Variants in TRHDE observed in about 807,000 individuals in gnomAD.
TRHDE encodes the protein thyrotropin-releasing hormone-degrading ectoenzyme.
TRHDE carries 72 observed loss-of-function variants against 125.7 expected under a neutral mutation model. That is an observed-to-expected ratio of 0.57 (90% CI 0.47 to 0.70). The LOEUF is 0.70. TRHDE is among the 30% of genes least tolerant of loss of function. The pLI is 0.00. For synonymous variants in TRHDE, 509 were observed against 509.1 expected (o/e 1.00, Z 0.00); for missense variants, 1,110 against 1,327.1 (o/e 0.84, Z 2.54).
intron 2 of TRHDE, among the ~76,000 whole-genome samples, chr12:72,158,980 C>T (rs1017505451): frequency 2.0e-5 from 3 of 152,130 alleles, no homozygotes; most frequent in Non-Finnish European, 2.9e-5. Context: ...GCCTTAAATG[C>T]CATTTTAATA....
chr12:72,655,842 G>T (rs1385618332), intron 17 of TRHDE, among the ~76,000 whole-genome samples: 1 of 151,976 alleles, frequency 6.6e-6, no homozygotes, highest in East Asian at 1.9e-4. Context: ...ATGCCTATTT[G>T]TTTGCTTTTA....
chr12:72,375,344 T>A (rs1166270517), intron 2 of TRHDE, among the ~76,000 whole-genome samples: 5 of 152,220 alleles, frequency 3.3e-5, no homozygotes, highest in Non-Finnish European at 7.3e-5. Context: ...GAAGTTTGAA[T>A]GAGCAAATGA....
intron 3 of TRHDE, among the ~76,000 whole-genome samples, chr12:72,401,040 T>C (rs571244864): frequency 6.6e-6 from 1 of 152,318 alleles, no homozygotes; most frequent in East Asian, 1.9e-4. Flanking sequence ...TTTTTTTCTA[T>C]GCTTAACTCT....
At chr12:72,527,961 A>G (rs921651563) in intron 6 of TRHDE, among the ~76,000 whole-genome samples, 1 of 152,162 alleles carries the variant, frequency 6.6e-6, no homozygotes, top group African/African-American at 2.4e-5. Flanking sequence ...TTTAAAGGCT[A>G]ACACTATGCT....
intron 2 of TRHDE, among the ~76,000 whole-genome samples, chr12:72,291,060 A>G (rs1283632762): frequency 6.6e-6 from 1 of 152,122 alleles, no homozygotes; most frequent in African/African-American, 2.4e-5. Context: ...CCTACAAACA[A>G]TGTATACTTG....
At chr12:72,419,610 T>C (rs1028264941) in intron 3 of TRHDE, among the ~76,000 whole-genome samples, 4 of 152,164 alleles carry the variant, frequency 2.6e-5, no homozygotes. Context: ...ACCAAGGGAA[T>C]GGTGCTAACC....
chr12:72,273,414 G>T lies in TRHDE; in HGVS notation c.771G>T (p.Pro257=), dbSNP rs1244824959. 4.3e-6 allele frequency: 7 copies of T among 1,614,114 alleles called. No individual in the cohort carries two copies. Among genetic ancestry groups the T allele is most frequent in the Non-Finnish European group, 5.9e-6 (7 of 1,180,030 alleles). ...AVPVAGFFLY[P]QTQVLVVVLN... ...CTGTAGCCGGTTTTTTCCTCTACCC[G>T]CAAACCCAGGTCTTAGTGGTGGTGC... is the stretch of plus-strand genomic sequence containing the variant. Residue 257 remains proline (P), a synonymous_variant, in exon 1 of 19, where the codon CCG becomes CCT. Transcript: ENST00000261180. The surrounding 1 kb of genome is among the most constrained non-coding windows in gnomAD (Gnocchi z 5.3).
intron 6 of TRHDE, among the ~76,000 whole-genome samples, chr12:72,507,887 A>T (rs1592497883): frequency 6.6e-6 from 1 of 152,218 alleles, no homozygotes; most frequent in African/African-American, 2.4e-5. Flanking sequence ...GTCTTGGGAC[A>T]TGGCACCCTG....
chr12:72,200,336 A>G (rs1210178115), intron 2 of TRHDE, among the ~76,000 whole-genome samples: 2 of 152,200 alleles, frequency 1.3e-5, no homozygotes, highest in Non-Finnish European at 2.9e-5. Flanking sequence ...GTCTGTAAAT[A>G]TAATGTTCAA....
rs776747813 is a variant in TRHDE at position 72,621,729 on chromosome 12, T to A, written c.2653T>A (p.Trp885Arg). Residue 885 changes from tryptophan to arginine, a missense_variant, in exon 15 of 19, where the codon TGG (tryptophan) becomes AGG (arginine). By Grantham distance (101) the Trp-to-Arg change is moderately radical. Around this residue, in one of 5 missense-constraint regions of TRHDE, gnomAD observed 527 missense variants for 651.8 expected, o/e 0.81. Coordinates refer to ENST00000261180, the MANE Select transcript of TRHDE (RefSeq NM_013381.3). The stretch of plus-strand genomic sequence containing the variant: ...ACAGGCATCAACACTTATTTCAGAT[T>A]GGATTTCCAGCAACAGGAACAGGTA... The part of the protein sequence containing the change: ...HQQASTLISD[W>R]ISSNRNRIPL... 6.2e-7 allele frequency: 1 copy of A among 1,604,222 alleles called. No homozygotes were observed. The highest frequency in any genetic ancestry group is 1.7e-5 in the Admixed American group (1 of 57,668).
In TRHDE at chr12:72,440,270, T is replaced by C. The variant is rs116521895; in HGVS notation, c.1316-29488T>C. Among the ~76,000 whole-genome samples the C allele has an allele frequency of 3.2e-3, 491 of 152,046 alleles. 2 individuals are homozygous for C. The highest frequency in any genetic ancestry group is 0.011 in the African/African-American group (456 of 41,544). ...CTTTGGTATCAGTGCTATGCTCTTG[T>C]ATTCTAATTTTTTGAAATACTTTGA... On this transcript the variant is annotated intron_variant, in intron 3 of 18. Transcript: ENST00000261180.
chr12:72,473,215 A>T (rs772905802), intron 5 of TRHDE, 35 bp downstream of exon 5: 17 of 1,533,198 alleles, frequency 1.1e-5, no homozygotes, highest in Non-Finnish European at 8.1e-6. Context: ...ACTTTTAGTA[A>T]AAGGCCGATC....
intron 3 of TRHDE, among the ~76,000 whole-genome samples, chr12:72,392,154 T>C (rs2135792095): frequency 6.6e-6 from 1 of 152,286 alleles, no homozygotes; most frequent in South Asian, 2.1e-4. Context: ...TTTTACCCTC[T>C]AGAACTATAA....
chr12:72,564,253 C>A (rs1388774956), intron 9 of TRHDE, among the ~76,000 whole-genome samples: 14 of 152,178 alleles, frequency 9.2e-5, no homozygotes, highest in Admixed American at 7.2e-4. Context: ...GTCAATGCTT[C>A]TTCCCCGAGC....
chr12:72,520,311 C>T (rs1446897339), intron 6 of TRHDE, among the ~76,000 whole-genome samples: 6 of 152,182 alleles, frequency 3.9e-5, no homozygotes, highest in African/African-American at 1.4e-4. Context: ...GGCGTAAGAC[C>T]CTCCGAGCCA....
intron 2 of TRHDE, among the ~76,000 whole-genome samples, chr12:72,291,487 A>G (rs1011492886): frequency 9.8e-5 from 15 of 152,294 alleles, no homozygotes; most frequent in African/African-American, 3.6e-4. Flanking sequence ...TTCTTTTCCA[A>G]TTAAAAAGTA....
intron 2 of TRHDE, among the ~76,000 whole-genome samples, chr12:72,240,587 T>G (rs1308773611): frequency 6.6e-6 from 1 of 151,922 alleles, no homozygotes; most frequent in African/African-American, 2.4e-5. Flanking sequence ...TTTTGTTTTT[T>G]GAGACAGAGT....
At chr12:72,098,666 G>T (rs1874993722) in intron 1 of TRHDE, among the ~76,000 whole-genome samples, 1 of 152,126 alleles carries the variant, frequency 6.6e-6, no homozygotes, top group South Asian at 2.1e-4. Context: ...GTTTTCCTGA[G>T]ATCCTCTTGT....
intron 2 of TRHDE, among the ~76,000 whole-genome samples, chr12:72,153,944 A>G (rs891099211): frequency 2.6e-5 from 4 of 152,108 alleles, no homozygotes; most frequent in South Asian, 2.1e-4. Context: ...CAGTTCCTGG[A>G]TATCCTTGTT....
Sources: allele counts gnomAD v4.1 joint callset (sites outside exome capture counted in the v4.1 genomes callset), GRCh38; gene constraint gnomAD v4.1.1; regional missense constraint gnomAD v4.1.1; non-coding constraint Gnocchi (gnomAD v3.1); transcripts MANE v1.5; gene names NCBI Gene and HGNC (gene_info 2026-07-23, HGNC 2026-07-21).